FOXJ3: variants seen among roughly 807,000 people sequenced by gnomAD.
FOXJ3 encodes forkhead box J3, also known as forkhead box protein J3.
In FOXJ3, 22 loss-of-function variants were observed where a neutral mutation model predicts 76.1. The ratio of observed to expected loss-of-function variants is 0.29; its 90% CI spans 0.21 to 0.41. The LOEUF (loss-of-function observed/expected upper bound fraction) is 0.41, where lower values mean the gene tolerates loss of function less well. Among genes scored for constraint, FOXJ3 ranks in the 10% least tolerant of loss-of-function variants. The probability of loss-of-function intolerance (pLI) is 1.00; values close to 1 mark genes in which losing one functional copy is unlikely to be tolerated. For missense variants in FOXJ3, 613 were observed against 762.1 expected (o/e 0.80, Z 2.30); for synonymous variants, 269 against 261.2 (o/e 1.03, Z -0.29).
intron 1 of FOXJ3, among the ~76,000 whole-genome samples, chr1:42,317,325 G>C (rs557836020): frequency 6.6e-6 from 1 of 152,016 alleles, no homozygotes; most frequent in Non-Finnish European, 1.5e-5. Context: ...AGAGTAAAGG[G>C]AAAGAATCCT....
At chr1:42,271,826 T>A (rs959207191) in intron 3 of FOXJ3, among the ~76,000 whole-genome samples, 1 of 152,068 alleles carries the variant, frequency 6.6e-6, no homozygotes, top group East Asian at 1.9e-4. Flanking sequence ...TTTCTTTTTT[T>A]ATTTTTTACT....
intron 1 of FOXJ3, among the ~76,000 whole-genome samples, chr1:42,321,373 AG>A (rs1655417849): frequency 6.6e-6 from 1 of 152,150 alleles, no homozygotes; most frequent in Non-Finnish European, 1.5e-5. Flanking sequence ...CATGGTGATG[AG>A]CAATTGGTAA....
chr1:42,179,714 A>G lies in FOXJ3; in HGVS notation c.1865T>C (p.Val622Ala), dbSNP rs1215379059. 2 of 1,599,820 alleles carry G rather than the reference A, an allele frequency of 1.3e-6. No individual in the cohort carries two copies. Among genetic ancestry groups the G allele is most frequent in the East Asian group, 2.2e-5 (1 of 44,820 alleles). ...GGTGTCTTGCAGAAACAAGCCCTAC[A>G]CAATTGAATCCCAATCAAAGTCATC... ...IQDDFDWDSI[V>A] The change falls in exon 13 of 13, where the codon GTG (valine) becomes GCG (alanine). Residue 622 changes from valine to alanine, a missense_variant. Coordinates refer to ENST00000361346, the MANE Select transcript of FOXJ3 (RefSeq NM_014947.5).
Position 42,189,652 on chromosome 1 carries a change from A to G in FOXJ3, c.1352-248T>C, listed in dbSNP as rs192883571. 6.0e-5 allele frequency: 23 copies of G among 386,186 alleles called. No individual in the cohort carries two copies. In the Admixed American group the frequency reaches 9.5e-4, roughly 16 times the overall value. The allele number at this position is 386,186 out of a possible 1,614,324, so 23.9% of individuals were successfully genotyped here. On this transcript the variant is annotated intron_variant, in intron 9 of 12. Coordinates refer to ENST00000361346, the MANE Select transcript of FOXJ3 (RefSeq NM_014947.5). ...AGTGACATAACTTAGCAAGGTTATC[A>G]TGATGAATCTAAGACTTGAACCCAG...
chr1:42,211,822 AG>A (rs1318470375), intron 5 of FOXJ3, among the ~76,000 whole-genome samples: 1 of 152,204 alleles, frequency 6.6e-6, no homozygotes, highest in African/African-American at 2.4e-5. Context: ...AGTTTTCACC[AG>A]GGAAAGCACC....
chr1:42,293,560 T>C (rs1653581180), intron 2 of FOXJ3, among the ~76,000 whole-genome samples: 2 of 152,164 alleles, frequency 1.3e-5, no homozygotes, highest in African/African-American at 4.8e-5. Flanking sequence ...GGGTTCTTCT[T>C]GATATCAATA....
intron 4 of FOXJ3, among the ~76,000 whole-genome samples, chr1:42,260,318 GC>G (rs796437788): frequency 1.3e-5 from 2 of 151,636 alleles, no homozygotes; most frequent in East Asian, 1.9e-4. Flanking sequence ...TACTAATATA[GC>G]CCCCCCAAAA....
At chr1:42,212,470 T>C (rs1426692564) in intron 5 of FOXJ3, among the ~76,000 whole-genome samples, 1 of 151,808 alleles carries the variant, frequency 6.6e-6, no homozygotes, top group Non-Finnish European at 1.5e-5. Flanking sequence ...CTAGACCAGG[T>C]AGAAAAAAAT....
At chr1:42,268,013 A>G (rs1417422446) in intron 3 of FOXJ3, among the ~76,000 whole-genome samples, 3 of 152,020 alleles carry the variant, frequency 2.0e-5, no homozygotes, top group African/African-American at 7.2e-5. Flanking sequence ...AAAGTCCCAG[A>G]AGGAGAAAAA....
rs754599722 is a variant in FOXJ3, at chr1:42,191,450, G to T, written c.1204C>A (p.Pro402Thr). Residue 402 changes from proline to threonine, a missense_variant, in exon 9 of 13, where the codon CCA becomes ACA. Physicochemically the swap from Pro to Thr is conservative, Grantham distance 38. This residue lies in a region of FOXJ3 where 526 missense variants were observed against 601.4 expected (regional missense o/e 0.87). Transcript: ENST00000361346. ...AGCTGGCTGTGTTGCTGTGGGTGTG[G>T]TGCTGGGTGTGGGGAACGCTGCGGA... is the stretch of plus-strand genomic sequence containing the variant. The part of the protein sequence containing the change: ...QHPQRSPHPA[P>T]HPQQHSQLQS... 1 of 1,613,650 alleles carries T rather than the reference G, an allele frequency of 6.2e-7. No individual in the cohort carries two copies. The highest frequency in any genetic ancestry group is 1.1e-5 in the South Asian group (1 of 91,040).
intron 6 of FOXJ3, among the ~76,000 whole-genome samples, chr1:42,203,585 A>AT (rs1218297107): frequency 6.6e-6 from 1 of 152,166 alleles, no homozygotes; most frequent in African/African-American, 2.4e-5. Context: ...AAACTACAAT[A>AT]TTTGTCCCTC....
intron 1 of FOXJ3, chr1:42,315,402 C>G (rs1006024233): frequency 3.0e-6 from 3 of 984,868 alleles, no homozygotes; most frequent in Non-Finnish European, 3.6e-6. Flanking sequence ...TCTGTAGGTT[C>G]TTATTTCTCA....
chr1:42,179,221 GT>G lies in FOXJ3; in HGVS notation c.*488del. 6.5e-6 allele frequency: 1 copy of G among 152,726 alleles called. No homozygotes were observed. Among genetic ancestry groups the G allele is most frequent in the East Asian group, 1.9e-4 (1 of 5,182 alleles). 9.5% of individuals were successfully genotyped at this position (152,726 alleles called of 1,614,324 possible). A position where few individuals can be genotyped will look rare whatever the true frequency, so the allele number is the denominator to read the frequency against. ...TTTGGAAAAAATCTATTTCCTTTCAGTTTCCTACATCAGTTAAAAGCATCCT... is the reference window on the plus strand; with the variant it reads ...TTTGGAAAAAATCTATTTCCTTTCAGTTCCTACATCAGTTAAAAGCATCCT... On this transcript the variant is annotated 3_prime_UTR_variant, in exon 13 of 13. Transcript: ENST00000361346.
chr1:42,302,593 G>C (rs1211198704), intron 2 of FOXJ3, among the ~76,000 whole-genome samples: 1 of 152,244 alleles, frequency 6.6e-6, no homozygotes, highest in African/African-American at 2.4e-5. Context: ...ACTGCCCCAA[G>C]TTCTCTGTAT....
intron 5 of FOXJ3, among the ~76,000 whole-genome samples, chr1:42,227,543 T>C (rs1051822232): frequency 1.3e-5 from 2 of 152,182 alleles, no homozygotes; most frequent in Non-Finnish European, 2.9e-5. Flanking sequence ...ACCAAACTGA[T>C]CCTCTATAAT....
At chr1:42,219,007 A>G (rs950095235) in intron 5 of FOXJ3, among the ~76,000 whole-genome samples, 4 of 152,340 alleles carry the variant, frequency 2.6e-5, no homozygotes, top group Admixed American at 1.3e-4. Flanking sequence ...AAATTAATAC[A>G]TATTCTAAGT....
chr1:42,304,951 A>G lies in FOXJ3; in HGVS notation c.44+6099T>C, dbSNP rs568269000. Among the ~76,000 whole-genome samples the G allele has an allele frequency of 1.2e-4, 18 of 152,328 alleles. No homozygotes were observed. In the East Asian group the frequency reaches 3.3e-3, roughly 28 times the overall value. On this transcript the variant is annotated intron_variant, in intron 2 of 12. Transcript: ENST00000361346. ...AAAGGAAACAATCAACAAAGTTAAG[A>G]GACAAGCCACAAAATGGCTGAAAAT...
chr1:42,273,384 C>T (rs1384916243), intron 3 of FOXJ3, among the ~76,000 whole-genome samples: 1 of 152,030 alleles, frequency 6.6e-6, no homozygotes, highest in East Asian at 1.9e-4. Flanking sequence ...AAGACGAAAT[C>T]AGCTGAGGAC....
At chr1:42,278,778 G>A in intron 2 of FOXJ3, 106 bp from the exon 3 acceptor site, 1 of 763,244 alleles carries the variant, frequency 1.3e-6, no homozygotes, top group Non-Finnish European at 2.2e-6. Flanking sequence ...GAAAGCCTGA[G>A]TTACATCTGG....
Sources: gnomAD v4.1 joint callset for allele counts (sites outside exome capture counted in the v4.1 genomes callset) on GRCh38, gnomAD v4.1.1 for gene constraint, gnomAD v4.1.1 regional missense constraint, MANE v1.5 for transcripts, NCBI Gene and HGNC (gene_info 2026-07-23, HGNC 2026-07-21) for gene names.